The following TNR variants were observed in gnomAD, a reference collection of about 807,000 sequenced individuals.
TNR encodes tenascin-R.
Under a neutral mutation model 150.4 loss-of-function variants are expected in TNR, and 45 were observed. The observed-to-expected ratio is 0.30, with a 90% CI of 0.24 to 0.38. TNR has a LOEUF of 0.38. Among genes scored for constraint, TNR ranks in the 10% least tolerant of loss-of-function variants. The pLI is 1.00. For synonymous variants in TNR, 687 were observed against 678.4 expected (o/e 1.01, Z -0.20); for missense variants, 1,544 against 1,759.1 (o/e 0.88, Z 2.19).
At chr1:175,737,301 T>C (rs952321858) in intron 1 of TNR, among the ~76,000 whole-genome samples, 1 of 152,156 alleles carries the variant, frequency 6.6e-6, no homozygotes, top group Admixed American at 6.5e-5. Flanking sequence ...ACGGGGACAA[T>C]AGTATATATC....
Position 175,447,987 on chromosome 1 carries a change from C to T in TNR, c.-63-41210G>A, listed in dbSNP as rs74130308. Among the ~76,000 whole-genome samples, 1,290 of 152,274 alleles carry T rather than the reference C, an allele frequency of 8.5e-3. 19 individuals are homozygous for T. The highest frequency in any genetic ancestry group is 0.03 in the African/African-American group (1,233 of 41,548). ...TGTTGTCTGTTATTATTATTACTATCAGTGTCACGCTGCTCATTGCTTTCC... is the reference window on the plus strand; with the variant it reads ...TGTTGTCTGTTATTATTATTACTATTAGTGTCACGCTGCTCATTGCTTTCC... On this transcript the variant is annotated intron_variant, in intron 2 of 22. Transcript: ENST00000367674.
chr1:175,570,870 A>G (rs1035681192), intron 1 of TNR, among the ~76,000 whole-genome samples: 3 of 152,166 alleles, frequency 2.0e-5, no homozygotes, highest in African/African-American at 7.2e-5. Context: ...AAATAGAAAC[A>G]TGTCTCTTCA....
chr1:175,616,882 T>C (rs1271440272), intron 1 of TNR, among the ~76,000 whole-genome samples: 1 of 152,176 alleles, frequency 6.6e-6, no homozygotes, highest in Non-Finnish European at 1.5e-5. Flanking sequence ...TAAGTCTCAG[T>C]TTCTTGGACT....
chr1:175,400,302 A>C (rs1260984647), intron 4 of TNR, among the ~76,000 whole-genome samples: 1 of 152,208 alleles, frequency 6.6e-6, no homozygotes, highest in East Asian at 1.9e-4. Flanking sequence ...AGAGTGCTAG[A>C]AGCTGGTAGG....
intron 1 of TNR, among the ~76,000 whole-genome samples, chr1:175,619,152 C>T (rs1415794554): frequency 1.3e-5 from 2 of 152,196 alleles, no homozygotes; most frequent in Admixed American, 6.5e-5. Flanking sequence ...TCACGGTCTA[C>T]TCCTCCACAT....
At position 175,470,097 on chromosome 1, in the gene TNR, G is replaced by A. The variant is rs142313977; in HGVS notation, c.-64+58172C>T. Among the ~76,000 whole-genome samples the A allele has an allele frequency of 2.4e-4, 36 of 152,184 alleles. No individual in the cohort carries two copies. The East Asian group carries it at 6.9e-3, about 29-fold the overall frequency. On this transcript the variant is annotated intron_variant, in intron 2 of 22. Transcript: ENST00000367674. The stretch of plus-strand genomic sequence containing the variant: ...GTGAGGAGTAAAGTGTGGAGAGATG[G>A]GGGTACACAGAAGGAGTTCAGTATT...
At chr1:175,351,844 G>C (rs1651067269) in intron 18 of TNR, among the ~76,000 whole-genome samples, 1 of 152,190 alleles carries the variant, frequency 6.6e-6, no homozygotes, top group Admixed American at 6.5e-5. Flanking sequence ...GAACAGCTCA[G>C]TCAGTAGCTA....
Position 175,390,904 on chromosome 1 carries a change from T to G in TNR, c.1507+384A>C, listed in dbSNP as rs376802382. 2.6e-5 allele frequency among the ~76,000 whole-genome samples: 4 copies of G among 152,202 alleles called. 1 individual carries two copies. In the South Asian group the frequency reaches 8.3e-4, roughly 32 times the overall value. On this transcript the variant is annotated intron_variant, in intron 7 of 22. Coordinates refer to ENST00000367674, the MANE Select transcript of TNR (RefSeq NM_003285.3). ...CTTATCTTGTAAAATAAATTGAAGT[T>G]TGGGAAGGTTCAGATGACTTTCTCC...
intron 2 of TNR, among the ~76,000 whole-genome samples, chr1:175,473,345 GC>G (rs1027988642): frequency 2.6e-5 from 4 of 152,110 alleles, no homozygotes; most frequent in African/African-American, 7.2e-5. Flanking sequence ...ATCACCAGCA[GC>G]CCCCCAGAGA....
intron 1 of TNR, among the ~76,000 whole-genome samples, chr1:175,553,380 A>G (rs188476276): frequency 6.6e-6 from 1 of 152,162 alleles, no homozygotes; most frequent in Non-Finnish European, 1.5e-5. Context: ...ATCCAGTGTT[A>G]TGGCTGCAGG....
At position 175,550,777 on chromosome 1, in the gene TNR, G is replaced by GA. The variant is rs111426262; in HGVS notation, c.-164-22409dup. On this transcript the variant is annotated intron_variant, in intron 1 of 22. Transcript: ENST00000367674. ...GAGAGTCAGAAAATGCAGGGAACAG[G>GA]AAAAAAAAAACCTAAGCAAAAACAA... is the stretch of plus-strand genomic sequence containing the variant. Among the ~76,000 whole-genome samples the GA allele has an allele frequency of 2.2e-3, 323 of 145,242 alleles. 2 individuals carry two copies. The highest frequency in any genetic ancestry group is 5.2e-3 in the Admixed American group (76 of 14,566).
At chr1:175,475,410 T>C (rs1315397020) in intron 2 of TNR, among the ~76,000 whole-genome samples, 2 of 152,204 alleles carry the variant, frequency 1.3e-5, no homozygotes, top group African/African-American at 4.8e-5. Flanking sequence ...GTAAGTGTGG[T>C]GGACGTGCTG....
chr1:175,507,688 C>G (rs1659016934), intron 2 of TNR, among the ~76,000 whole-genome samples: 1 of 152,168 alleles, frequency 6.6e-6, no homozygotes, highest in Non-Finnish European at 1.5e-5. Flanking sequence ...TCCTACATAT[C>G]CTTCAAGACC....
intron 1 of TNR, among the ~76,000 whole-genome samples, chr1:175,704,184 C>T (rs891887899): frequency 4.6e-5 from 7 of 152,142 alleles, no homozygotes; most frequent in Admixed American, 4.6e-4. Flanking sequence ...AAACTGTACG[C>T]TTAAAAATGA....
chr1:175,554,712 C>T (rs1457202581), intron 1 of TNR, among the ~76,000 whole-genome samples: 1 of 152,194 alleles, frequency 6.6e-6, no homozygotes, highest in Non-Finnish European at 1.5e-5. Flanking sequence ...AGCCCCCACC[C>T]CTGAGCTTGT....
intron 1 of TNR, among the ~76,000 whole-genome samples, chr1:175,581,391 C>A (rs543914167): frequency 6.6e-6 from 1 of 152,254 alleles, no homozygotes; most frequent in East Asian, 1.9e-4. Flanking sequence ...GGCAAAGAAA[C>A]GGAGGTCCCA....
At chr1:175,576,801 C>G (rs78506200) in intron 1 of TNR, among the ~76,000 whole-genome samples, 1 of 152,154 alleles carries the variant, frequency 6.6e-6, no homozygotes, top group African/African-American at 2.4e-5. Flanking sequence ...TTCCATGAAG[C>G]CTTCTTAAAC....
chr1:175,654,197 T>C (rs2101891622), intron 1 of TNR, among the ~76,000 whole-genome samples: 1 of 152,310 alleles, frequency 6.6e-6, no homozygotes, highest in East Asian at 1.9e-4. Flanking sequence ...TTTCATGGCC[T>C]TGAGACACCC....
intron 1 of TNR, among the ~76,000 whole-genome samples, chr1:175,593,983 T>A (rs1286153825): frequency 1.3e-5 from 2 of 152,148 alleles, no homozygotes; most frequent in Non-Finnish European, 2.9e-5. Context: ...ACATGGTAGA[T>A]CTTAGGAGGC....
Sources: gnomAD v4.1 joint callset for allele counts (sites outside exome capture counted in the v4.1 genomes callset) on GRCh38, gnomAD v4.1.1 for gene constraint, MANE v1.5 for transcripts, NCBI Gene and HGNC (gene_info 2026-07-23, HGNC 2026-07-21) for gene names.